The following BTAF1 variants were observed in gnomAD, a reference collection of about 807,000 sequenced individuals.
BTAF1 encodes B-TFIID TATA-box binding protein associated factor 1.
A neutral mutation model predicts 227.1 loss-of-function variants in BTAF1; 38 were observed. That is an observed-to-expected ratio of 0.17 (90% confidence interval 0.13 to 0.22). The LOEUF is 0.22. Ranked by LOEUF, BTAF1 falls within the 10% of genes least tolerant of loss-of-function variation. The probability of loss-of-function intolerance (pLI) is 1.00; values close to 1 mark genes in which losing one functional copy is unlikely to be tolerated. For missense variants in BTAF1, 1,598 were observed against 2,204.0 expected (o/e 0.73, Z 5.51); for synonymous variants, 742 against 751.9 (o/e 0.99, Z 0.21).
At chr10:91,953,285 G>A (rs1257371620) in intron 5 of BTAF1, among the ~76,000 whole-genome samples, 1 of 152,102 alleles carries the variant, frequency 6.6e-6, no homozygotes, top group Non-Finnish European at 1.5e-5. Context: ...AGAGGAAAGG[G>A]GCATATGAGC....
intron 21 of BTAF1, among the ~76,000 whole-genome samples, chr10:91,993,281 G>C (rs1348489929): frequency 6.6e-6 from 1 of 152,104 alleles, no homozygotes; most frequent in African/African-American, 2.4e-5. Flanking sequence ...TAATCTTGGG[G>C]TTAGCTTAAA....
Position 91,989,471 on chromosome 10 carries a change from C to A in BTAF1, c.2745C>A (p.Pro915=), listed in dbSNP as rs1323958812. The change falls in exon 20 of 38, where the codon CCC becomes CCA. Residue 915 remains proline, a synonymous_variant. Coordinates refer to ENST00000265990, the MANE Select transcript of BTAF1 (RefSeq NM_003972.3). ...LQQCTTRTPC[P]NSKIIKNLCS... is the part of the protein sequence containing the mutation. ...AGTGCACAACAAGGACGCCCTGTCC[C>A]AATTCAAAAATTATTAAAAACCTCT... The A allele has an allele frequency of 6.2e-7, 1 of 1,613,878 alleles. No individual in the cohort carries two copies. The highest frequency in any genetic ancestry group is 8.5e-7 in the Non-Finnish European group (1 of 1,180,036).
chr10:91,980,822 G>C (rs1480878027), intron 15 of BTAF1, among the ~76,000 whole-genome samples: 1 of 152,126 alleles, frequency 6.6e-6, no homozygotes, highest in African/African-American at 2.4e-5. Flanking sequence ...AAAATGAAAT[G>C]AGGAAAAGAT....
chr10:91,942,942 AGATT>A (rs1337247693), intron 4 of BTAF1, among the ~76,000 whole-genome samples: 20 of 152,126 alleles, frequency 1.3e-4, no homozygotes, highest in Non-Finnish European at 2.8e-4. Flanking sequence ...GAAATTTGAG[AGATT>A]GATTGTTTTG....
At chr10:91,984,055 G>T (rs1848237814) in intron 18 of BTAF1, 146 bp from the exon 19 acceptor site, 1 of 687,312 alleles carries the variant, frequency 1.5e-6, no homozygotes, top group Admixed American at 3.3e-5. Context: ...TTTTTTCTGT[G>T]CAATTAACTG....
intron 34 of BTAF1, among the ~76,000 whole-genome samples, chr10:92,019,715 A>T (rs891971712): frequency 6.6e-5 from 10 of 151,938 alleles, no homozygotes; most frequent in African/African-American, 2.4e-4. Context: ...TGAAGTGATA[A>T]CTCCTTGTGG....
chr10:91,970,210 T>G lies in BTAF1; in HGVS notation c.1650+3453T>G, dbSNP rs113397053. Among the ~76,000 whole-genome samples, 8 of 152,236 alleles carry G rather than the reference T, an allele frequency of 5.3e-5. 1 individual carries two copies. Among genetic ancestry groups the G allele is most frequent in the African/African-American group, 1.7e-4 (7 of 41,548 alleles). On this transcript the variant is annotated intron_variant, in intron 14 of 37. Transcript: ENST00000265990. ...TTCCTATACCAGAATGCCATTGTCTTTGTATGTAATTTGTGGCATGTTAGC... is the reference window on the plus strand; with the variant it reads ...TTCCTATACCAGAATGCCATTGTCTGTGTATGTAATTTGTGGCATGTTAGC...
intron 12 of BTAF1, among the ~76,000 whole-genome samples, chr10:91,963,418 CA>C (rs71025375): frequency 0.01 from 1,275 of 127,126 alleles, 13 homozygotes; most frequent in African/African-American, 0.032. Context: ...GACTCCGTCT[CA>C]AAAAAAAAAA....
At chr10:91,986,092 A>C (rs1848375160) in intron 19 of BTAF1, among the ~76,000 whole-genome samples, 1 of 151,676 alleles carries the variant, frequency 6.6e-6, no homozygotes, top group African/African-American at 2.4e-5. Context: ...TTTGTCATTT[A>C]GTTTTTATGA....
At chr10:91,964,255 GATAAT>G (rs750472589) in intron 13 of BTAF1, 54 bp downstream of exon 13, 17 of 1,554,394 alleles carry the variant, frequency 1.1e-5, no homozygotes, top group Non-Finnish European at 1.4e-5. Flanking sequence ...TACCTTTCGA[GATAAT>G]TCAGCCTAAA....
rs760743871 is a variant in BTAF1 at position 92,026,762 on chromosome 10, A to G, written c.5235+11A>G. ...CATCGCATTGGGCAGGTAAAAGTCA[A>G]TTTTACCTCACAGATGTTAACCTGT... On this transcript the variant is annotated intron_variant, in intron 36 of 37. Transcript: ENST00000265990. 8.7e-6 allele frequency: 14 copies of G among 1,608,986 alleles called. No homozygotes were observed. The highest frequency in any genetic ancestry group is 4.0e-5 in the African/African-American group (3 of 74,692).
chr10:92,022,756 C>G (rs1851230184), intron 34 of BTAF1, among the ~76,000 whole-genome samples: 1 of 152,144 alleles, frequency 6.6e-6, no homozygotes. Context: ...ATAGTCACGT[C>G]TCTCCTGAGA....
chr10:91,924,075 C>T lies in BTAF1; in HGVS notation c.-2C>T. On this transcript the variant is annotated 5_prime_UTR_variant, in exon 1 of 38. Coordinates refer to ENST00000265990, the MANE Select transcript of BTAF1 (RefSeq NM_003972.3). The stretch of plus-strand genomic sequence containing the variant: ...GGAGCTCCGAACCGCCGGCGCCCGG[C>T]CATGGCGGTCTCCAGGTGGGTCTTG... 2 of 1,608,808 alleles carry T rather than the reference C, an allele frequency of 1.2e-6. No individual in the cohort carries two copies. Among genetic ancestry groups the T allele is most frequent in the East Asian group, 2.2e-5 (1 of 44,470 alleles).
intron 20 of BTAF1, among the ~76,000 whole-genome samples, chr10:91,991,797 G>GTGTGTA (rs1554860529): frequency 1.0e-3 from 10 of 9,998 alleles, no homozygotes; most frequent in African/African-American, 1.8e-3. Context: ...GTGTGTGTGT[G>GTGTGTA]TATATATATA....
At position 91,968,162 on chromosome 10, in the gene BTAF1, G is replaced by T. The variant is rs1161355695; in HGVS notation, c.1650+1405G>T. Among the ~76,000 whole-genome samples, 4 of 152,152 alleles carry T rather than the reference G, an allele frequency of 2.6e-5. No individual in the cohort carries two copies. The East Asian group carries it at 5.8e-4, about 22-fold the overall frequency. The stretch of plus-strand genomic sequence containing the variant: ...CACCATTACAGTATCATACAGAGTA[G>T]TTTAACTATCCCCAAAATCCCCTGT... On this transcript the variant is annotated intron_variant, in intron 14 of 37. Coordinates refer to ENST00000265990, the MANE Select transcript of BTAF1 (RefSeq NM_003972.3).
At position 91,992,322 on chromosome 10, in the gene BTAF1, T is replaced by G. The variant is rs1344793585; in HGVS notation, c.3045+13T>G. Reference sequence around the variant, plus strand: ...TGAACTTGATGAGGTAAGTAGTTTTTTTTTTTTTTTAATGCTTTGATTTTT... The same window carrying G: ...TGAACTTGATGAGGTAAGTAGTTTTGTTTTTTTTTTAATGCTTTGATTTTT... On this transcript the variant is annotated intron_variant, in intron 21 of 37. Transcript: ENST00000265990. 6 of 1,550,254 alleles carry G rather than the reference T, an allele frequency of 3.9e-6. No individual in the cohort carries two copies. Among genetic ancestry groups the G allele is most frequent in the East Asian group, 2.3e-5 (1 of 44,188 alleles).
chr10:91,973,756 T>C (rs1408444985), intron 14 of BTAF1, among the ~76,000 whole-genome samples: 1 of 151,176 alleles, frequency 6.6e-6, no homozygotes, highest in Admixed American at 6.6e-5. Context: ...TACAAAAAAT[T>C]AGCCGGGCGT....
intron 25 of BTAF1, among the ~76,000 whole-genome samples, chr10:92,007,252 T>C (rs1469881640): frequency 1.4e-5 from 2 of 138,222 alleles, no homozygotes; most frequent in Admixed American, 7.5e-5. Context: ...GGAGTCTCGC[T>C]GTGTCACCCA....
intron 12 of BTAF1, 117 bp downstream of exon 12, chr10:91,962,795 C>T (rs1266217728): frequency 1.2e-6 from 1 of 832,558 alleles, no homozygotes; most frequent in Non-Finnish European, 1.8e-6. Flanking sequence ...TTTTTTTTAA[C>T]AACAGCCCTC....
Sources: allele counts gnomAD v4.1 joint callset (sites outside exome capture counted in the v4.1 genomes callset), GRCh38; gene constraint gnomAD v4.1.1; transcripts MANE v1.5; gene names NCBI Gene and HGNC (gene_info 2026-07-23, HGNC 2026-07-21).